STK33: variants seen among roughly 807,000 people sequenced by gnomAD.
STK33 encodes serine/threonine-protein kinase 33.
A neutral mutation model predicts 58.0 loss-of-function variants in STK33; 52 were observed. That is an observed-to-expected ratio of 0.90 (90% confidence interval 0.72 to 1.13). The LOEUF (loss-of-function observed/expected upper bound fraction) is 1.13, where lower values mean the gene tolerates loss of function less well. Ranked by LOEUF, STK33 falls within the 50% of genes most tolerant of loss-of-function variation. The pLI, the probability that STK33 is intolerant of heterozygous loss-of-function variation, is 0.00. For missense variants in STK33, 630 were observed against 604.2 expected (o/e 1.04, Z -0.45); for synonymous variants, 215 against 200.1 (o/e 1.07, Z -0.63).
In STK33 at chr11:8,474,694, G is replaced by A. The variant is rs1225829079; in HGVS notation, c.212C>T (p.Ser71Phe). Residue 71 changes from serine to phenylalanine, a missense_variant, in exon 5 of 16, where the codon TCC becomes TTC. Transcript: ENST00000687296. ...KEKNINRDIT[S>F]RKDLPSRTSN... ...TTTGATATTTACCAAATCTTTCCTG[G>A]AGGTTATATCTCTGTTGATATTTTT... 6.2e-7 allele frequency: 1 copy of A among 1,604,076 alleles called. No individual in the cohort carries two copies. Among genetic ancestry groups the A allele is most frequent in the Non-Finnish European group, 8.5e-7 (1 of 1,176,662 alleles).
chr11:8,350,164 G>A, the STK33 span, among the ~76,000 whole-genome samples: 2 of 152,214 alleles, frequency 1.3e-5, no homozygotes, highest in African/African-American at 4.8e-5. Flanking sequence ...GAGGGCCATC[G>A]GTGGCTCTGT....
intron 1 of STK33, among the ~76,000 whole-genome samples, chr11:8,523,429 C>A (rs1444354575): frequency 2.0e-5 from 3 of 151,788 alleles, no homozygotes; most frequent in Non-Finnish European, 2.9e-5. Flanking sequence ...AGGTGAGGAG[C>A]GTCTCTGCCC....
chr11:8,576,538 G>A (rs1319263938), intron 1 of STK33, among the ~76,000 whole-genome samples: 1 of 152,134 alleles, frequency 6.6e-6, no homozygotes, highest in Non-Finnish European at 1.5e-5. Context: ...CACTTCAAAT[G>A]CTTAATGTGT....
chr11:8,553,176 A>ATGGTG (rs1380416312), intron 1 of STK33, among the ~76,000 whole-genome samples: 4 of 74,664 alleles, frequency 5.4e-5, no homozygotes, highest in Non-Finnish European at 9.4e-5. Context: ...AAATATATAT[A>ATGGTG]TATATATATA....
chr11:8,490,335 G>C (rs1019123971), intron 1 of STK33, among the ~76,000 whole-genome samples: 1 of 152,196 alleles, frequency 6.6e-6, no homozygotes, highest in Middle Eastern at 3.2e-3. Context: ...AGTCTGAGAA[G>C]GATCTGTGAG....
At chr11:8,512,431 G>A (rs1591556165) in intron 1 of STK33, among the ~76,000 whole-genome samples, 1 of 152,140 alleles carries the variant, frequency 6.6e-6, no homozygotes. Flanking sequence ...CTCAAAGAAG[G>A]GAGAGATGAT....
At chr11:8,527,206 C>T (rs1004344057) in intron 1 of STK33, among the ~76,000 whole-genome samples, 8 of 152,030 alleles carry the variant, frequency 5.3e-5, no homozygotes, top group Non-Finnish European at 1.2e-4. Flanking sequence ...GAAGTCCTGA[C>T]CTCAAATGAT....
chr11:8,463,332 C>G (rs966457323), intron 7 of STK33, among the ~76,000 whole-genome samples: 1 of 152,140 alleles, frequency 6.6e-6, no homozygotes, highest in Non-Finnish European at 1.5e-5. Context: ...AGCATAGATC[C>G]ATAGATCCCT....
downstream of STK33, among the ~76,000 whole-genome samples, chr11:8,389,869 T>TTA (rs1163362485): frequency 3.3e-5 from 5 of 152,136 alleles, no homozygotes; most frequent in African/African-American, 1.2e-4. Context: ...CAGCTTCCAT[T>TTA]TCCCTGGGTC....
intron 1 of STK33, among the ~76,000 whole-genome samples, chr11:8,581,404 A>G (rs2141345987): frequency 6.6e-6 from 1 of 152,294 alleles, no homozygotes; most frequent in African/African-American, 2.4e-5. Flanking sequence ...CTAGCTACTC[A>G]GGAGGCTGAA....
chr11:8,509,116 CAAAA>C (rs1161851155), intron 1 of STK33, among the ~76,000 whole-genome samples: 2 of 45,414 alleles, frequency 4.4e-5, no homozygotes, highest in Non-Finnish European at 8.9e-5. Context: ...AACTCTGTCT[CAAAA>C]AAAAAAAAAA....
chr11:8,473,034 A>G lies in STK33; in HGVS notation c.339+129T>C, dbSNP rs577772284. 54 of 591,452 alleles carry G rather than the reference A, an allele frequency of 9.1e-5. No homozygotes were observed. In the East Asian group the frequency reaches 1.5e-3, roughly 16 times the overall value. 36.6% of individuals were successfully genotyped at this position (591,452 alleles called of 1,614,324 possible). A position where few individuals can be genotyped will look rare whatever the true frequency, so the allele number is the denominator to read the frequency against. On this transcript the variant is annotated intron_variant, in intron 6 of 15. Transcript: ENST00000687296. ...TTTAGTAAAAATGTTAACATACTTG[A>G]AAATGGTACATTTCCTCTTTTCTTT...
At chr11:8,452,437 G>C (rs1466429157) in intron 11 of STK33, among the ~76,000 whole-genome samples, 1 of 152,030 alleles carries the variant, frequency 6.6e-6, no homozygotes, top group Non-Finnish European at 1.5e-5. Flanking sequence ...TGTCATGATG[G>C]CAAAAATTGT....
At chr11:8,494,831 A>G (rs1019483914) in intron 1 of STK33, among the ~76,000 whole-genome samples, 4 of 152,240 alleles carry the variant, frequency 2.6e-5, no homozygotes, top group Non-Finnish European at 4.4e-5. Flanking sequence ...CCTGACAAAA[A>G]CAAGAAATGG....
the STK33 span, among the ~76,000 whole-genome samples, chr11:8,364,290 AT>A: frequency 6.6e-6 from 1 of 152,210 alleles, no homozygotes; most frequent in African/African-American, 2.4e-5. Flanking sequence ...TACTTCTAGC[AT>A]TATCATTTTC....
intron 1 of STK33, among the ~76,000 whole-genome samples, chr11:8,526,213 G>A (rs752759772): frequency 9.9e-5 from 15 of 152,000 alleles, no homozygotes; most frequent in African/African-American, 3.6e-4. Flanking sequence ...TCTGGCCAAC[G>A]TGGTAAAACC....
In STK33 at chr11:8,519,842, C is replaced by A. The variant is rs530608937; in HGVS notation, c.-465-39228G>T. Reference sequence around the variant, plus strand: ...CCAATAACAGGTTCTGAAATTGAGGCAATAATTAATAGCCTACCAACCAAA... The same window carrying A: ...CCAATAACAGGTTCTGAAATTGAGGAAATAATTAATAGCCTACCAACCAAA... On this transcript the variant is annotated intron_variant, in intron 1 of 15. Transcript: ENST00000687296. Among the ~76,000 whole-genome samples the A allele has an allele frequency of 3.3e-5, 5 of 152,184 alleles. No individual in the cohort carries two copies. In the East Asian group the frequency reaches 9.7e-4, roughly 29 times the overall value.
At chr11:8,451,432 A>G (rs1243277291) in intron 11 of STK33, among the ~76,000 whole-genome samples, 3 of 152,246 alleles carry the variant, frequency 2.0e-5, no homozygotes, top group African/African-American at 4.8e-5. Flanking sequence ...TACATGCTAC[A>G]ACATGAACGT....
At chr11:8,442,666 C>A (rs1263012993) in intron 11 of STK33, among the ~76,000 whole-genome samples, 2 of 152,116 alleles carry the variant, frequency 1.3e-5, no homozygotes, top group Non-Finnish European at 2.9e-5. Flanking sequence ...ATGTCTTTTG[C>A]CAACAGGGGG....
Sources: gnomAD v4.1 joint callset for allele counts (sites outside exome capture counted in the v4.1 genomes callset) on GRCh38, gnomAD v4.1.1 for gene constraint, MANE v1.5 for transcripts, NCBI Gene and HGNC (gene_info 2026-07-23, HGNC 2026-07-21) for gene names.